CPNE8: variants seen among roughly 807,000 people sequenced by gnomAD.
CPNE8 encodes the protein copine-8.
A neutral mutation model predicts 81.5 loss-of-function variants in CPNE8; 45 were observed. The observed-to-expected ratio is 0.55, with a 90% confidence interval of 0.44 to 0.71. The LOEUF (loss-of-function observed/expected upper bound fraction) is 0.71. CPNE8 is among the 30% of genes least tolerant of loss of function. The pLI is 0.00. For synonymous variants in CPNE8, 252 were observed against 226.3 expected (o/e 1.11, Z -1.02); for missense variants, 594 against 672.1 (o/e 0.88, Z 1.28).
At chr12:38,880,943 G>T (rs925713627) in intron 1 of CPNE8, among the ~76,000 whole-genome samples, 5 of 152,162 alleles carry the variant, frequency 3.3e-5, no homozygotes, top group Non-Finnish European at 7.3e-5. Context: ...GGGAGCGGTG[G>T]CTCATGCCTG....
At chr12:38,782,111 C>T (rs1313924648) in intron 6 of CPNE8, among the ~76,000 whole-genome samples, 4 of 151,938 alleles carry the variant, frequency 2.6e-5, no homozygotes, top group Admixed American at 6.6e-5. Context: ...GTATTAAATA[C>T]CATGGTAACA....
chr12:38,839,817 TG>T (rs1330197839), intron 5 of CPNE8, 98 bp downstream of exon 5: 2 of 1,079,130 alleles, frequency 1.9e-6, no homozygotes, highest in African/African-American at 3.3e-5. Flanking sequence ...TCACGTTACA[TG>T]AATAACTTAA....
chr12:38,718,079 C>T (rs1413049181), intron 13 of CPNE8, among the ~76,000 whole-genome samples: 1 of 150,962 alleles, frequency 6.6e-6, no homozygotes, highest in Non-Finnish European at 1.5e-5. Flanking sequence ...CACAAATCTT[C>T]AAATGTACTA....
intron 1 of CPNE8, among the ~76,000 whole-genome samples, chr12:38,888,878 G>T (rs988303031): frequency 5.3e-5 from 8 of 151,664 alleles, no homozygotes; most frequent in South Asian, 2.1e-4. Context: ...TACTCTTTCT[G>T]GCCTTCAGGC....
chr12:38,757,217 G>A (rs1941479927), intron 10 of CPNE8, among the ~76,000 whole-genome samples: 1 of 151,884 alleles, frequency 6.6e-6, no homozygotes, highest in Admixed American at 6.6e-5. Flanking sequence ...CAGGATTTAG[G>A]ACAAATATTA....
intron 6 of CPNE8, among the ~76,000 whole-genome samples, chr12:38,800,991 GA>G (rs1398383826): frequency 3.3e-5 from 5 of 150,204 alleles, no homozygotes; most frequent in African/African-American, 1.2e-4. Flanking sequence ...AAGCCTCCAA[GA>G]AATATGGGAC....
chr12:38,808,989 AC>A (rs11320464), intron 6 of CPNE8, among the ~76,000 whole-genome samples: 49,873 of 152,054 alleles, frequency 0.33, 9,808 homozygotes, highest in Non-Finnish European at 0.43. Flanking sequence ...TCAAGTTTCA[AC>A]AAAAAGTAAA....
chr12:38,797,800 A>C (rs1942532897), intron 6 of CPNE8, among the ~76,000 whole-genome samples: 1 of 152,152 alleles, frequency 6.6e-6, no homozygotes, highest in African/African-American at 2.4e-5. Flanking sequence ...AAAAACTTTG[A>C]AAAAAATTTA....
intron 13 of CPNE8, among the ~76,000 whole-genome samples, chr12:38,721,481 C>T (rs140097689): frequency 2.0e-5 from 3 of 152,290 alleles, no homozygotes; most frequent in Admixed American, 2.0e-4. Flanking sequence ...GGAGCTACCC[C>T]CTGAGGGTCT....
chr12:38,772,738 T>A (rs1292902000), intron 7 of CPNE8, among the ~76,000 whole-genome samples: 1 of 152,152 alleles, frequency 6.6e-6, no homozygotes, highest in Non-Finnish European at 1.5e-5. Flanking sequence ...AGCACTACTG[T>A]ATGATCCAGC....
chr12:38,688,164 G>A (rs747684748), intron 15 of CPNE8, among the ~76,000 whole-genome samples: 4 of 152,100 alleles, frequency 2.6e-5, no homozygotes, highest in Admixed American at 6.5e-5. Context: ...GGAGGTTTAC[G>A]TTTTGATGAA....
At chr12:38,800,174 C>A (rs1942623954) in intron 6 of CPNE8, among the ~76,000 whole-genome samples, 1 of 118,730 alleles carries the variant, frequency 8.4e-6, no homozygotes, top group African/African-American at 2.8e-5. Flanking sequence ...GGAGGCCTGC[C>A]TGCCTCTGTA....
At chr12:38,885,717 C>T (rs1284453874) in intron 1 of CPNE8, among the ~76,000 whole-genome samples, 3 of 152,006 alleles carry the variant, frequency 2.0e-5, no homozygotes, top group South Asian at 2.1e-4. Context: ...GCTCTATGTC[C>T]CCACCCAAAT....
At chr12:38,800,197 G>T (rs1942624657) in intron 6 of CPNE8, among the ~76,000 whole-genome samples, 1 of 109,112 alleles carries the variant, frequency 9.2e-6, no homozygotes, top group African/African-American at 2.9e-5. Flanking sequence ...CTCCACCTCT[G>T]GGGGCAGGGC....
At chr12:38,748,840 C>T (rs1398939890) in intron 10 of CPNE8, among the ~76,000 whole-genome samples, 2 of 152,038 alleles carry the variant, frequency 1.3e-5, no homozygotes, top group South Asian at 2.1e-4. Context: ...TATAAAAATA[C>T]CTATCTCAGT....
chr12:38,726,512 T>C (rs1940701266), intron 11 of CPNE8: 1 of 152,124 alleles, frequency 6.6e-6, no homozygotes, highest in African/African-American at 2.4e-5. Flanking sequence ...ATGGAGCAGG[T>C]TGTTTGGAGG....
chr12:38,777,948 A>G, intron 6 of CPNE8, among the ~76,000 whole-genome samples: 1 of 152,104 alleles, frequency 6.6e-6, no homozygotes, highest in Admixed American at 6.5e-5. Flanking sequence ...CCTATTGTGA[A>G]CTGAGAGGGA....
At chr12:38,756,352 CTTTTT>C (rs5797594) in intron 10 of CPNE8, among the ~76,000 whole-genome samples, 1 of 135,172 alleles carries the variant, frequency 7.4e-6, no homozygotes. Flanking sequence ...GCATTTTCCA[CTTTTT>C]TTTTTTTTTT....
At chr12:38,780,275 T>C (rs1477771159) in intron 6 of CPNE8, among the ~76,000 whole-genome samples, 1 of 152,138 alleles carries the variant, frequency 6.6e-6, no homozygotes, top group African/African-American at 2.4e-5. Context: ...GAAAGAAGGA[T>C]ATAAATAAAT....
Sources: gnomAD v4.1 joint callset for allele counts (sites outside exome capture counted in the v4.1 genomes callset) on GRCh38, gnomAD v4.1.1 for gene constraint, MANE v1.5 for transcripts, NCBI Gene and HGNC (gene_info 2026-07-23, HGNC 2026-07-21) for gene names.